CNTNAP2: variants seen among roughly 807,000 people sequenced by gnomAD.
CNTNAP2 encodes contactin-associated protein-like 2.
In CNTNAP2, 98 loss-of-function variants were observed where a neutral mutation model predicts 155.2. The observed-to-expected ratio is 0.63, with a 90% CI of 0.54 to 0.75. CNTNAP2 has a LOEUF of 0.75. Among genes scored for constraint, CNTNAP2 ranks in the 30% least tolerant of loss-of-function variants. The pLI is 0.00. For missense variants in CNTNAP2, 1,727 were observed against 1,688.1 expected (o/e 1.02, Z -0.40); for synonymous variants, 651 against 631.2 (o/e 1.03, Z -0.47).
At chr7:148,069,105 G>T (rs1428609467) in intron 15 of CNTNAP2, among the ~76,000 whole-genome samples, 1 of 152,152 alleles carries the variant, frequency 6.6e-6, no homozygotes, top group South Asian at 2.1e-4. Flanking sequence ...AGACATAACT[G>T]CCCTGCCCTG....
At chr7:146,298,668 G>A (rs890683141) in intron 1 of CNTNAP2, among the ~76,000 whole-genome samples, 1 of 152,132 alleles carries the variant, frequency 6.6e-6, no homozygotes, top group African/African-American at 2.4e-5. Flanking sequence ...CTGAACGTTC[G>A]ATCCACTGTG....
At chr7:147,466,154 C>T (rs1473956713) in intron 10 of CNTNAP2, among the ~76,000 whole-genome samples, 1 of 152,134 alleles carries the variant, frequency 6.6e-6, no homozygotes, top group East Asian at 1.9e-4. Flanking sequence ...GTGTGGACAG[C>T]CATCTAGAAA....
chr7:146,519,416 C>A (rs562497698), intron 1 of CNTNAP2, among the ~76,000 whole-genome samples: 44 of 151,864 alleles, frequency 2.9e-4, no homozygotes, highest in Admixed American at 2.9e-3. Flanking sequence ...TTCTACATTT[C>A]AAAGTTTGAA....
chr7:146,133,744 G>T (rs1418274121), intron 1 of CNTNAP2, among the ~76,000 whole-genome samples: 2 of 152,158 alleles, frequency 1.3e-5, no homozygotes, highest in African/African-American at 4.8e-5. Flanking sequence ...CGTTATTTCT[G>T]CAGGCTCTGT....
At chr7:148,010,021 C>T in intron 15 of CNTNAP2, among the ~76,000 whole-genome samples, 1 of 152,076 alleles carries the variant, frequency 6.6e-6, no homozygotes, top group Middle Eastern at 3.4e-3. Flanking sequence ...ATTGTTTTCC[C>T]AATTTACACT....
chr7:148,318,424 G>C (rs998135161), intron 21 of CNTNAP2, among the ~76,000 whole-genome samples: 5 of 152,146 alleles, frequency 3.3e-5, no homozygotes, highest in African/African-American at 1.2e-4. Flanking sequence ...TAATAAATAG[G>C]CAGTAAACAA....
At chr7:147,596,190 CA>C (rs1339045333) in intron 12 of CNTNAP2, among the ~76,000 whole-genome samples, 1 of 152,122 alleles carries the variant, frequency 6.6e-6, no homozygotes, top group East Asian at 1.9e-4. Flanking sequence ...TTCATTTAGA[CA>C]AAAAACTGGC....
chr7:146,945,977 T>A (rs1797161901), intron 3 of CNTNAP2, among the ~76,000 whole-genome samples: 1 of 152,040 alleles, frequency 6.6e-6, no homozygotes, highest in Admixed American at 6.6e-5. Context: ...CTTCTCCAAT[T>A]TAGAAGAGGG....
intron 11 of CNTNAP2, among the ~76,000 whole-genome samples, chr7:147,521,984 T>G (rs1055129335): frequency 2.6e-5 from 4 of 152,214 alleles, no homozygotes; most frequent in African/African-American, 9.7e-5. Context: ...AGAACCTTAT[T>G]TCTGACAGTT....
chr7:146,832,679 G>A (rs551868585), intron 2 of CNTNAP2, among the ~76,000 whole-genome samples: 89 of 148,562 alleles, frequency 6.0e-4, no homozygotes, highest in South Asian at 1.9e-3. Context: ...ACGTGTGTGT[G>A]TATATATATA....
intron 12 of CNTNAP2, among the ~76,000 whole-genome samples, chr7:147,615,131 G>T (rs1007698436): frequency 4.1e-5 from 6 of 147,868 alleles, no homozygotes; most frequent in Non-Finnish European, 8.9e-5. Flanking sequence ...TGATTTAGTA[G>T]TGCACACCTG....
intron 1 of CNTNAP2, among the ~76,000 whole-genome samples, chr7:146,162,192 C>T (rs533603070): frequency 1.3e-4 from 20 of 152,262 alleles, no homozygotes; most frequent in East Asian, 1.9e-4. Flanking sequence ...AGCTTCTGCA[C>T]AGCAAAATAA....
At chr7:148,324,803 A>AAAAAAAAAAAAAG (rs1797861749) in intron 21 of CNTNAP2, among the ~76,000 whole-genome samples, 2 of 151,642 alleles carry the variant, frequency 1.3e-5, no homozygotes, top group African/African-American at 4.8e-5. Flanking sequence ...TCAAAAAAAA[A>AAAAAAAAAAAAAG]AAAAGAGTAG....
At chr7:147,504,767 A>G (rs951201016) in intron 11 of CNTNAP2, among the ~76,000 whole-genome samples, 2 of 151,282 alleles carry the variant, frequency 1.3e-5, no homozygotes, top group Non-Finnish European at 2.9e-5. Context: ...TCACATTAAT[A>G]TAAATTATAT....
At chr7:146,199,499 A>T (rs1175023902) in intron 1 of CNTNAP2, among the ~76,000 whole-genome samples, 2 of 152,178 alleles carry the variant, frequency 1.3e-5, no homozygotes. Flanking sequence ...TAACATACAG[A>T]GAATGAAAAA....
In CNTNAP2 at chr7:148,043,199, C is replaced by T. The variant is rs117152036; in HGVS notation, c.2383+65210C>T. 5.7e-3 allele frequency among the ~76,000 whole-genome samples: 866 copies of T among 152,314 alleles called. 7 individuals are homozygous for T. The highest frequency in any genetic ancestry group is 0.034 in the Middle Eastern group (10 of 294). On this transcript the variant is annotated intron_variant, in intron 15 of 23. Transcript: ENST00000361727. ...TTAAATATGTTGCTAAACCACTTTA[C>T]AGCCCTTGCAAAGCACATAAAGGCT...
intron 1 of CNTNAP2, among the ~76,000 whole-genome samples, chr7:146,464,069 T>C (rs4725695): frequency 0.97 from 147,688 of 152,138 alleles, 71,839 homozygotes; most frequent in East Asian, 1. Context: ...TTATATTCAA[T>C]TTGGTCACAA....
intron 14 of CNTNAP2, among the ~76,000 whole-genome samples, chr7:147,928,839 C>T (rs1800445036): frequency 6.6e-6 from 1 of 151,870 alleles, no homozygotes. Flanking sequence ...GCCTGTAATC[C>T]CAGGACTTTG....
chr7:146,438,320 T>C (rs2129118724), intron 1 of CNTNAP2, among the ~76,000 whole-genome samples: 1 of 151,078 alleles, frequency 6.6e-6, no homozygotes, highest in African/African-American at 2.5e-5. Context: ...CATATCCCCT[T>C]GATCCAGGGT....
Sources: gnomAD v4.1 joint callset for allele counts (sites outside exome capture counted in the v4.1 genomes callset) on GRCh38, gnomAD v4.1.1 for gene constraint, MANE v1.5 for transcripts, NCBI Gene and HGNC (gene_info 2026-07-23, HGNC 2026-07-21) for gene names.